Variants in TNIK observed in about 807,000 individuals in gnomAD.
The protein encoded by TNIK is TRAF2 and NCK interacting kinase.
TNIK carries 49 observed loss-of-function variants against 191.3 expected under a neutral mutation model. The ratio of observed to expected loss-of-function variants is 0.26; its 90% CI spans 0.20 to 0.32. The LOEUF (loss-of-function observed/expected upper bound fraction) is 0.32. Among genes scored for constraint, TNIK ranks in the 10% least tolerant of loss-of-function variants. The pLI, the probability that TNIK is intolerant of heterozygous loss-of-function variation, is 1.00. For synonymous variants in TNIK, 594 were observed against 600.9 expected, an observed-to-expected ratio of 0.99 and a Z score of 0.17; for missense variants, 1,155 against 1,702.3, an observed-to-expected ratio of 0.68 and a Z score of 5.66.
chr3:171,455,728 T>C (rs1728718313), intron 1 of TNIK, among the ~76,000 whole-genome samples: 1 of 152,214 alleles, frequency 6.6e-6, no homozygotes, highest in African/African-American at 2.4e-5. Flanking sequence ...TGATGATTCT[T>C]ATTAACTATG....
intron 1 of TNIK, among the ~76,000 whole-genome samples, chr3:171,385,424 T>C (rs1276938772): frequency 6.6e-6 from 1 of 151,904 alleles, no homozygotes; most frequent in Admixed American, 6.6e-5. Context: ...AGAGGAAACA[T>C]TTGCTGGAGG....
intron 18 of TNIK, among the ~76,000 whole-genome samples, chr3:171,116,859 C>G (rs573169667): frequency 6.6e-6 from 1 of 152,322 alleles, no homozygotes; most frequent in South Asian, 2.1e-4. Context: ...TTGAACTTAA[C>G]TGATCACCTT....
At chr3:171,198,844 G>A (rs1739047386) in intron 4 of TNIK, among the ~76,000 whole-genome samples, 1 of 152,168 alleles carries the variant, frequency 6.6e-6, no homozygotes, top group Non-Finnish European at 1.5e-5. Context: ...TTTCCCGAGT[G>A]AGCAAAACAT....
rs937017523 is a variant in TNIK at position 171,066,826 on chromosome 3, G to A, written c.3700-91C>T. ...TAACAACTGCAAAAAAGAGGTTTTT[G>A]TTTATTTTCATTGTCACCCTAAAGA... On this transcript the variant is annotated intron_variant, in intron 30 of 32. Coordinates refer to ENST00000436636, the MANE Select transcript of TNIK (RefSeq NM_015028.4). The A allele has an allele frequency of 2.1e-6, 3 of 1,440,400 alleles. No homozygotes were observed. The African/African-American group carries it at 4.3e-5, about 21-fold the overall frequency. 89.2% of individuals were successfully genotyped at this position (1,440,400 alleles called of 1,614,324 possible). A position where few individuals can be genotyped will look rare whatever the true frequency, so the allele number is the denominator to read the frequency against.
At chr3:171,429,455 T>C (rs1456445829) in intron 1 of TNIK, among the ~76,000 whole-genome samples, 6 of 152,204 alleles carry the variant, frequency 3.9e-5, no homozygotes, top group African/African-American at 1.4e-4. Flanking sequence ...TAGGGCCTGA[T>C]TTTGGCTATT....
chr3:171,160,222 G>A (rs1733800789), intron 11 of TNIK, among the ~76,000 whole-genome samples: 1 of 152,166 alleles, frequency 6.6e-6, no homozygotes, highest in Admixed American at 6.5e-5. Flanking sequence ...GGAATCCTGT[G>A]GCAGGTGAAG....
intron 23 of TNIK, among the ~76,000 whole-genome samples, chr3:171,090,878 C>A (rs1026901245): frequency 2.6e-5 from 4 of 152,188 alleles, no homozygotes; most frequent in Non-Finnish European, 5.9e-5. Flanking sequence ...ATAGAACCAT[C>A]TAGTCCACTC....
At chr3:171,187,432 G>C (rs1396321914) in intron 7 of TNIK, among the ~76,000 whole-genome samples, 1 of 152,156 alleles carries the variant, frequency 6.6e-6, no homozygotes, top group Non-Finnish European at 1.5e-5. Flanking sequence ...AGACCTTCAA[G>C]CTTGCAATTC....
intron 1 of TNIK, 111 bp from the exon 2 acceptor site, chr3:171,369,796 A>G: frequency 3.6e-6 from 3 of 822,310 alleles, no homozygotes; most frequent in Non-Finnish European, 5.6e-6. Flanking sequence ...CTTTAGCTTC[A>G]GGGGCTCTCA....
chr3:171,065,289 G>A (rs1718288055), intron 32 of TNIK, among the ~76,000 whole-genome samples: 1 of 152,232 alleles, frequency 6.6e-6, no homozygotes, highest in Non-Finnish European at 1.5e-5. Flanking sequence ...TGTCCACCCA[G>A]ACCACATCAG....
intron 1 of TNIK, among the ~76,000 whole-genome samples, chr3:171,376,746 T>TGATAGATAGATAGATAGATAGATGATA (rs1717283540): frequency 6.7e-6 from 1 of 148,672 alleles, no homozygotes; most frequent in African/African-American, 2.5e-5. Context: ...GATAGATAGA[T>TGATAGATAGATAGATAGATAGATGATA]GATAGATAGA....
chr3:171,398,182 A>G (rs1278184259), intron 1 of TNIK, among the ~76,000 whole-genome samples: 1 of 152,202 alleles, frequency 6.6e-6, no homozygotes, highest in Non-Finnish European at 1.5e-5. Context: ...ATGTTTTACT[A>G]TTAGCACTTT....
intron 2 of TNIK, among the ~76,000 whole-genome samples, chr3:171,228,754 G>A (rs1361909941): frequency 2.0e-5 from 3 of 152,206 alleles, no homozygotes; most frequent in African/African-American, 4.8e-5. Flanking sequence ...AGGAGACAGT[G>A]TTGAACATTA....
chr3:171,386,383 A>C (rs1718735680), intron 1 of TNIK, among the ~76,000 whole-genome samples: 1 of 152,176 alleles, frequency 6.6e-6, no homozygotes, highest in Admixed American at 6.5e-5. Context: ...GGTGTTTTTT[A>C]ATATGTTAAA....
chr3:171,296,144 G>GTGTGTTCT (rs1752266672), intron 2 of TNIK, among the ~76,000 whole-genome samples: 3 of 152,112 alleles, frequency 2.0e-5, no homozygotes, highest in Non-Finnish European at 4.4e-5. Flanking sequence ...GATCACAGTA[G>GTGTGTTCT]AACTCATGGA....
chr3:171,137,127 T>C (rs1200109289), intron 15 of TNIK, among the ~76,000 whole-genome samples: 2 of 134,404 alleles, frequency 1.5e-5, no homozygotes, highest in Non-Finnish European at 1.7e-5. Flanking sequence ...TTTTTTTTTT[T>C]TTTTTTACTT....
chr3:171,124,339 T>C (rs1266297345), intron 17 of TNIK, among the ~76,000 whole-genome samples: 1 of 152,142 alleles, frequency 6.6e-6, no homozygotes, highest in Admixed American at 6.5e-5. Context: ...TAGAACATAA[T>C]ACAAAGCAGA....
intron 2 of TNIK, among the ~76,000 whole-genome samples, chr3:171,293,124 T>C (rs887061902): frequency 6.6e-6 from 1 of 152,226 alleles, no homozygotes; most frequent in Admixed American, 6.5e-5. Context: ...TATTGTTATC[T>C]GTGGAAAGGT....
At chr3:171,182,344 G>A (rs1736776692) in intron 7 of TNIK, among the ~76,000 whole-genome samples, 1 of 151,982 alleles carries the variant, frequency 6.6e-6, no homozygotes, top group South Asian at 2.1e-4. Flanking sequence ...ACATTAGCGA[G>A]TCCCAAAGAC....
Sources: allele counts gnomAD v4.1 joint callset (sites outside exome capture counted in the v4.1 genomes callset), GRCh38; gene constraint gnomAD v4.1.1; transcripts MANE v1.5; gene names NCBI Gene and HGNC (gene_info 2026-07-23, HGNC 2026-07-21).